The following AKAP19 variants were observed in gnomAD, a reference collection of about 807,000 sequenced individuals.
The protein encoded by AKAP19 is A-kinase anchoring protein 19.
At chr2:189,985,274 A>G in the AKAP19 span, among the ~76,000 whole-genome samples, 2 of 151,956 alleles carry the variant, frequency 1.3e-5, no homozygotes, top group African/African-American at 2.4e-5. Flanking sequence ...ATTCACTTGT[A>G]TGTTTGAGCT....
the AKAP19 span, among the ~76,000 whole-genome samples, chr2:189,966,742 G>A: frequency 6.6e-6 from 1 of 152,126 alleles, no homozygotes; most frequent in Admixed American, 6.6e-5. Flanking sequence ...TGCTGGTTTT[G>A]ATATTGTGCC....
chr2:190,137,104 A>G, the AKAP19 span, among the ~76,000 whole-genome samples: 1 of 152,230 alleles, frequency 6.6e-6, no homozygotes, highest in Non-Finnish European at 1.5e-5. Context: ...TAAAATTGTC[A>G]TATTATGTCA....
chr2:190,100,810 G>T, the AKAP19 span, among the ~76,000 whole-genome samples: 1 of 152,130 alleles, frequency 6.6e-6, no homozygotes. Context: ...AGAATCCACT[G>T]GAATTGTGAA....
At chr2:189,911,408 A>C in the AKAP19 span, among the ~76,000 whole-genome samples, 3 of 151,998 alleles carry the variant, frequency 2.0e-5, no homozygotes, top group African/African-American at 7.2e-5. Flanking sequence ...CTGATCTCTT[A>C]CTTTCCTAAA....
At chr2:189,977,342 TC>T in the AKAP19 span, among the ~76,000 whole-genome samples, 1 of 152,232 alleles carries the variant, frequency 6.6e-6, no homozygotes, top group Non-Finnish European at 1.5e-5. Context: ...TTACTTTTTT[TC>T]TTTTTCATCT....
At chr2:190,064,899 T>C in the AKAP19 span, among the ~76,000 whole-genome samples, 1 of 152,196 alleles carries the variant, frequency 6.6e-6, no homozygotes, top group Non-Finnish European at 1.5e-5. Flanking sequence ...ATTCTTATTA[T>C]TCATGATTTC....
the AKAP19 span, among the ~76,000 whole-genome samples, chr2:190,187,966 A>G: frequency 2.0e-5 from 3 of 152,288 alleles, no homozygotes; most frequent in East Asian, 1.9e-4. Flanking sequence ...GGCTCATTCT[A>G]TATTTTTAGA....
At chr2:190,055,006 C>T in the AKAP19 span, among the ~76,000 whole-genome samples, 1 of 152,176 alleles carries the variant, frequency 6.6e-6, no homozygotes, top group South Asian at 2.1e-4. Context: ...ATAAATCATG[C>T]TGCTATAAAG....
the AKAP19 span, among the ~76,000 whole-genome samples, chr2:190,066,218 C>T: frequency 2.6e-5 from 4 of 152,048 alleles, no homozygotes; most frequent in South Asian, 2.1e-4. Context: ...TTTCTGTAAC[C>T]GTCAGTAAGG....
At chr2:190,053,551 T>C in the AKAP19 span, among the ~76,000 whole-genome samples, 2 of 152,162 alleles carry the variant, frequency 1.3e-5, no homozygotes, top group South Asian at 2.1e-4. Flanking sequence ...CAAAATAGTA[T>C]AGTTTGCTTT....
the AKAP19 span, among the ~76,000 whole-genome samples, chr2:190,089,246 C>A: frequency 1.3e-5 from 2 of 152,012 alleles, no homozygotes; most frequent in African/African-American, 2.4e-5. Flanking sequence ...TTCTCTGATT[C>A]TTTTCATTTA....
chr2:189,981,532 G>T, the AKAP19 span, among the ~76,000 whole-genome samples: 4 of 152,152 alleles, frequency 2.6e-5, no homozygotes, highest in Admixed American at 6.5e-5. Flanking sequence ...GTGAGGTTTT[G>T]TTCCTGTCAT....
At chr2:189,936,103 A>G in the AKAP19 span, among the ~76,000 whole-genome samples, 2 of 152,194 alleles carry the variant, frequency 1.3e-5, no homozygotes, top group African/African-American at 4.8e-5. Context: ...TAAATTTAAA[A>G]TGAGAATTAG....
chr2:190,033,511 C>A, the AKAP19 span, among the ~76,000 whole-genome samples: 1 of 152,088 alleles, frequency 6.6e-6, no homozygotes, highest in East Asian at 1.9e-4. Context: ...AAATTGCTAA[C>A]CAGGGTTATG....
chr2:189,930,699 A>G, the AKAP19 span: 1 of 516,480 alleles, frequency 1.9e-6, no homozygotes, highest in Non-Finnish European at 3.6e-6. Flanking sequence ...AAAGAAATTG[A>G]ATTGGGTCCC....
At chr2:190,045,650 G>C in the AKAP19 span, among the ~76,000 whole-genome samples, 1 of 152,174 alleles carries the variant, frequency 6.6e-6, no homozygotes, top group African/African-American at 2.4e-5. Flanking sequence ...GCCTTCTAAG[G>C]GAGGCGCAAT....
the AKAP19 span, among the ~76,000 whole-genome samples, chr2:189,955,551 A>G: frequency 2.0e-5 from 3 of 152,190 alleles, no homozygotes; most frequent in African/African-American, 4.8e-5. Flanking sequence ...ACTGTTTTCC[A>G]TAGAGGTTGT....
chr2:189,968,567 T>A, the AKAP19 span, among the ~76,000 whole-genome samples: 10 of 152,218 alleles, frequency 6.6e-5, no homozygotes, highest in Non-Finnish European at 1.5e-4. Context: ...TATTTTTTAC[T>A]GTACTTAAGC....
chr2:189,904,269 A>G, the AKAP19 span, among the ~76,000 whole-genome samples: 4 of 152,144 alleles, frequency 2.6e-5, no homozygotes, highest in South Asian at 8.3e-4. Context: ...CCTCGCAGCA[A>G]TACTGTAGGT....
Sources: allele counts gnomAD v4.1 joint callset (sites outside exome capture counted in the v4.1 genomes callset), GRCh38; gene constraint gnomAD v4.1.1; transcripts MANE v1.5; gene names NCBI Gene and HGNC (gene_info 2026-07-23, HGNC 2026-07-21).